SPATA13: variants seen among roughly 807,000 people sequenced by gnomAD.
The protein encoded by SPATA13 is spermatogenesis associated 13.
SPATA13 carries 50 observed loss-of-function variants against 104.0 expected under a neutral mutation model. The observed-to-expected ratio is 0.48, with a 90% CI of 0.38 to 0.61. The LOEUF (loss-of-function observed/expected upper bound fraction) is 0.61. Ranked by LOEUF, SPATA13 falls within the 20% of genes least tolerant of loss-of-function variation. SPATA13 has a pLI of 0.00. For synonymous variants in SPATA13, 606 were observed against 667.5 expected, an observed-to-expected ratio of 0.91 and a Z score of 1.42; for missense variants, 1,524 against 1,690.6, an observed-to-expected ratio of 0.90 and a Z score of 1.73.
chr13:24,111,482 A>C (rs1485988938), intron 3 of SPATA13, among the ~76,000 whole-genome samples: 3 of 146,166 alleles, frequency 2.1e-5, no homozygotes, highest in Non-Finnish European at 4.5e-5. Context: ...ATCACGGCTC[A>C]CTGCAGCCTC....
chr13:24,142,873 G>A (rs1411089303), intron 3 of SPATA13, among the ~76,000 whole-genome samples: 5 of 152,122 alleles, frequency 3.3e-5, no homozygotes, highest in African/African-American at 9.7e-5. Context: ...TGGGGAGCCC[G>A]AGGAAAGACT....
At chr13:24,226,034 A>G (rs1388464442) in intron 2 of SPATA13, among the ~76,000 whole-genome samples, 1 of 152,216 alleles carries the variant, frequency 6.6e-6, no homozygotes, top group Non-Finnish European at 1.5e-5. Flanking sequence ...TCCTCTCTGC[A>G]GGCAGGTAGT....
chr13:24,288,236 G>C (rs1404112578), intron 7 of SPATA13, among the ~76,000 whole-genome samples: 2 of 152,182 alleles, frequency 1.3e-5, no homozygotes, highest in African/African-American at 4.8e-5. Flanking sequence ...AAGTTAAGTG[G>C]TGGGATTGGA....
At chr13:24,229,146 A>G (rs1437692183) in intron 2 of SPATA13, among the ~76,000 whole-genome samples, 1 of 152,228 alleles carries the variant, frequency 6.6e-6, no homozygotes, top group Non-Finnish European at 1.5e-5. Flanking sequence ...GTTGCCTAGG[A>G]GTCTGGAGCA....
At chr13:24,209,121 C>T (rs1659045125) in intron 1 of SPATA13, among the ~76,000 whole-genome samples, 1 of 152,108 alleles carries the variant, frequency 6.6e-6, no homozygotes, top group South Asian at 2.1e-4. Context: ...CAGAGATAGA[C>T]ATCATGAGCC....
intron 1 of SPATA13, among the ~76,000 whole-genome samples, chr13:24,214,258 G>A (rs1293395715): frequency 1.3e-5 from 2 of 152,192 alleles, no homozygotes; most frequent in African/African-American, 2.4e-5. Flanking sequence ...TTTACCTAAG[G>A]CCAGATGCAT....
chr13:23,983,342 ACACCAGTCAT>A (rs1381297349), intron 1 of SPATA13, among the ~76,000 whole-genome samples: 1 of 152,164 alleles, frequency 6.6e-6, no homozygotes, highest in Non-Finnish European at 1.5e-5. Context: ...GCTTATAAGG[ACACCAGTCAT>A]ACTGGATTAG....
intron 2 of SPATA13, among the ~76,000 whole-genome samples, chr13:24,232,452 C>T (rs1872331570): frequency 6.6e-6 from 1 of 152,238 alleles, no homozygotes; most frequent in African/African-American, 2.4e-5. Context: ...TATCAGCCTT[C>T]TGGGGATTCT....
intron 3 of SPATA13, among the ~76,000 whole-genome samples, chr13:24,066,053 G>C (rs564497800): frequency 1.6e-4 from 25 of 152,210 alleles, no homozygotes; most frequent in Non-Finnish European, 2.9e-4. Context: ...TACATAGTAT[G>C]TGTGAAACAA....
intron 11 of SPATA13, 102 bp from the exon 12 acceptor site, chr13:24,300,299 T>C (rs1398772685): frequency 1.2e-6 from 1 of 811,424 alleles, no homozygotes; most frequent in Non-Finnish European, 2.0e-6. Context: ...CTGTCTCAGG[T>C]TGTGGTGATA....
In SPATA13 at chr13:24,249,520, A is replaced by C; in HGVS notation, c.1697A>C (p.Glu566Ala). ...GPWRRSSSQD[E>A]ERTEAQRTPK... is the part of the protein sequence containing the mutation. ...TGGAGGCGAAGCTCATCACAGGATG[A>C]GGAAAGGACAGAGGCACAGAGAACC... Residue 566 changes from glutamate (E) to alanine (A), a missense_variant, in exon 3 of 13, where the codon GAG becomes GCG. By Grantham distance (107) the Glu-to-Ala change is moderately radical. Around this residue, in one of 2 missense-constraint regions of SPATA13, gnomAD observed 1,089 missense variants for 1,135.9 expected, o/e 0.96. Transcript: ENST00000382108. 6.2e-7 allele frequency: 1 copy of C among 1,604,432 alleles called. No homozygotes were observed.
chr13:24,060,286 C>T (rs977670562), intron 3 of SPATA13, among the ~76,000 whole-genome samples: 1 of 152,190 alleles, frequency 6.6e-6, no homozygotes, highest in African/African-American at 2.4e-5. Flanking sequence ...ACAACCTGCA[C>T]ACTTACTATC....
intron 1 of SPATA13, among the ~76,000 whole-genome samples, chr13:24,162,991 C>G (rs956917473): frequency 2.6e-5 from 4 of 152,232 alleles, no homozygotes; most frequent in African/African-American, 9.6e-5. Context: ...GGAGAAAAAC[C>G]TAATGCCGGC....
chr13:24,178,828 G>T (rs1006424820), intron 1 of SPATA13, among the ~76,000 whole-genome samples: 1 of 152,122 alleles, frequency 6.6e-6, no homozygotes, highest in Non-Finnish European at 1.5e-5. Context: ...TAATTCAGTT[G>T]TTTTTAGTGT....
At position 24,171,720 on chromosome 13, in the gene SPATA13, T is replaced by C. The variant is rs143686275; in HGVS notation, c.-112+10788T>C. 4.8e-3 allele frequency among the ~76,000 whole-genome samples: 727 copies of C among 152,312 alleles called. 4 individuals carry two copies. Among genetic ancestry groups the C allele is most frequent in the African/African-American group, 0.017 (693 of 41,570 alleles). On this transcript the variant is annotated intron_variant, in intron 1 of 12. Coordinates refer to ENST00000382108, the MANE Select transcript of SPATA13 (RefSeq NM_001166271.3). Reference sequence around the variant, plus strand: ...AGATAATTTTGAACTTGCAGATTAATGGCATACCCAAACCTGGTGATTGGT... The same window carrying C: ...AGATAATTTTGAACTTGCAGATTAACGGCATACCCAAACCTGGTGATTGGT...
chr13:24,244,472 G>T (rs1873009701), intron 2 of SPATA13, among the ~76,000 whole-genome samples: 2 of 152,182 alleles, frequency 1.3e-5, no homozygotes, highest in Non-Finnish European at 2.9e-5. Context: ...CTCACTGGAG[G>T]TAACATAGCC....
chr13:24,069,602 CTTTA>C (rs1420610131), intron 3 of SPATA13, among the ~76,000 whole-genome samples: 2 of 152,092 alleles, frequency 1.3e-5, no homozygotes. Context: ...TGTGGATGCC[CTTTA>C]TTTATTTATC....
intron 3 of SPATA13, among the ~76,000 whole-genome samples, chr13:24,032,109 A>C (rs1238616027): frequency 6.6e-6 from 1 of 152,100 alleles, no homozygotes; most frequent in Non-Finnish European, 1.5e-5. Context: ...ATTATCCTCC[A>C]CCATCCCCCA....
At chr13:24,148,367 A>T (rs999318417) in intron 3 of SPATA13, among the ~76,000 whole-genome samples, 22 of 150,780 alleles carry the variant, frequency 1.5e-4, no homozygotes, top group African/African-American at 5.1e-4. Flanking sequence ...TTGTTTTTTT[A>T]TTTTTTTTTC....
Sources: allele counts gnomAD v4.1 joint callset (sites outside exome capture counted in the v4.1 genomes callset), GRCh38; gene constraint gnomAD v4.1.1; regional missense constraint gnomAD v4.1.1; transcripts MANE v1.5; gene names NCBI Gene and HGNC (gene_info 2026-07-23, HGNC 2026-07-21).